The following SLC9D1 variants were observed in gnomAD, a reference collection of about 807,000 sequenced individuals.
SLC9D1 encodes solute carrier family 9 member D1, also known as putative LAG1-interacting protein.
chr13:113,530,690 T>G, the SLC9D1 span: 2 of 152,206 alleles, frequency 1.3e-5, no homozygotes, highest in Non-Finnish European at 2.9e-5. Flanking sequence ...GAAAGAACTC[T>G]TTCCCTCAAA....
At chr13:113,497,705 C>G in the SLC9D1 span, among the ~76,000 whole-genome samples, 21 of 152,246 alleles carry the variant, frequency 1.4e-4, no homozygotes, top group Non-Finnish European at 2.1e-4. Flanking sequence ...CAGATGATGT[C>G]TCATGACTAC....
At chr13:113,539,118 G>A in the SLC9D1 span, among the ~76,000 whole-genome samples, 1 of 152,218 alleles carries the variant, frequency 6.6e-6, no homozygotes, top group Non-Finnish European at 1.5e-5. This position sits in a 1 kb window ranked among gnomAD's most constrained non-coding sequence, Gnocchi z 4.8. Flanking sequence ...ATGGATATTT[G>A]TTTCAAATAT....
At chr13:113,541,395 C>T in the SLC9D1 span, among the ~76,000 whole-genome samples, 153 of 146,226 alleles carry the variant, frequency 1.0e-3, 7 homozygotes, top group African/African-American at 3.7e-3. Flanking sequence ...GTGGATGATA[C>T]GCACACGATC....
the SLC9D1 span, chr13:113,536,690 G>A: frequency 2.6e-6 from 1 of 389,036 alleles, no homozygotes; most frequent in South Asian, 1.0e-4. Flanking sequence ...TTGGGGTGCT[G>A]GGCCTTCTGC....
At chr13:113,528,131 T>C in the SLC9D1 span, 1 of 152,264 alleles carries the variant, frequency 6.6e-6, no homozygotes. Flanking sequence ...CCAGTATCCG[T>C]TCGTCTCGAT....
the SLC9D1 span, among the ~76,000 whole-genome samples, chr13:113,511,035 G>A: frequency 6.8e-6 from 1 of 146,292 alleles, no homozygotes; most frequent in African/African-American, 2.6e-5. Flanking sequence ...CCTGTGCGGG[G>A]AGGACAGTGG....
At chr13:113,548,378 G>A in the SLC9D1 span, 1 of 1,613,742 alleles carries the variant, frequency 6.2e-7, no homozygotes, top group Admixed American at 1.7e-5. Context: ...CGTCTCTGCG[G>A]GGCTTGCCCA....
At chr13:113,539,753 G>A in the SLC9D1 span, among the ~76,000 whole-genome samples, 25,040 of 152,058 alleles carry the variant, frequency 0.16, 2,330 homozygotes, top group Admixed American at 0.27. The surrounding 1 kb of genome is among the most constrained non-coding windows in gnomAD (Gnocchi z 4.8). Context: ...CAGGGTACGT[G>A]TGTGGGTCTG....
At chr13:113,547,531 G>A in the SLC9D1 span, 19 of 641,594 alleles carry the variant, frequency 3.0e-5, no homozygotes, top group Non-Finnish European at 5.3e-5. Context: ...TGGACCCCGG[G>A]GGAGGCAGAT....
At chr13:113,531,963 C>T in the SLC9D1 span, among the ~76,000 whole-genome samples, 1 of 152,126 alleles carries the variant, frequency 6.6e-6, no homozygotes, top group East Asian at 1.9e-4. Flanking sequence ...AGCCAGATAC[C>T]TGAGTTGTCC....
chr13:113,503,738 A>G, the SLC9D1 span: 1 of 581,450 alleles, frequency 1.7e-6, no homozygotes, highest in Non-Finnish European at 3.0e-6. Flanking sequence ...TTTTGGGACA[A>G]ATTCAGAAAG....
chr13:113,547,777 T>A, the SLC9D1 span, among the ~76,000 whole-genome samples: 29,489 of 152,012 alleles, frequency 0.19, 3,678 homozygotes, highest in African/African-American at 0.36. Context: ...CACATTTAAT[T>A]GAAGGTGTGA....
chr13:113,523,725 A>G, the SLC9D1 span, among the ~76,000 whole-genome samples: 1 of 151,974 alleles, frequency 6.6e-6, no homozygotes. Flanking sequence ...ATTGATTTTA[A>G]ACTTCTCATC....
the SLC9D1 span, among the ~76,000 whole-genome samples, chr13:113,539,840 G>A: frequency 3.9e-5 from 6 of 151,978 alleles, no homozygotes; most frequent in South Asian, 2.1e-4. The surrounding 1 kb of genome is among the most constrained non-coding windows in gnomAD (Gnocchi z 4.8). Flanking sequence ...TAGGACCCTC[G>A]GCAGTGTTTT....
the SLC9D1 span, chr13:113,530,579 A>C: frequency 6.6e-6 from 1 of 152,146 alleles, no homozygotes; most frequent in East Asian, 1.9e-4. Context: ...ACGAGGGAAA[A>C]TTTATATTTA....
the SLC9D1 span, among the ~76,000 whole-genome samples, chr13:113,544,971 G>A: frequency 3.3e-5 from 5 of 152,206 alleles, no homozygotes; most frequent in Non-Finnish European, 5.9e-5. Context: ...CAGCTTTATC[G>A]ACAATGTCAG....
the SLC9D1 span, among the ~76,000 whole-genome samples, chr13:113,542,693 G>T: frequency 6.6e-6 from 1 of 152,212 alleles, no homozygotes; most frequent in East Asian, 1.9e-4. Context: ...GGAATCACAA[G>T]GGATCTGGTG....
the SLC9D1 span, chr13:113,503,555 T>C: frequency 6.2e-7 from 1 of 1,613,824 alleles, no homozygotes; most frequent in African/African-American, 1.3e-5. Context: ...TTTTTCTTGT[T>C]GGCTTAGAAT....
the SLC9D1 span, among the ~76,000 whole-genome samples, chr13:113,515,005 AC>A: frequency 6.6e-6 from 1 of 152,340 alleles, no homozygotes; most frequent in East Asian, 1.9e-4. Context: ...GGCATGAGCC[AC>A]CGCACCTGGC....
Sources: allele counts gnomAD v4.1 joint callset (sites outside exome capture counted in the v4.1 genomes callset), GRCh38; gene constraint gnomAD v4.1.1; non-coding constraint Gnocchi (gnomAD v3.1); transcripts MANE v1.5; gene names NCBI Gene and HGNC (gene_info 2026-07-23, HGNC 2026-07-21).